LTBP1: variants seen among roughly 807,000 people sequenced by gnomAD.
The protein encoded by LTBP1 is latent transforming growth factor beta binding protein 1.
In LTBP1, 129 loss-of-function variants were observed where a neutral mutation model predicts 207.6. That is an observed-to-expected ratio of 0.62 (90% confidence interval 0.54 to 0.72). The LOEUF (loss-of-function observed/expected upper bound fraction) is 0.72, where lower values mean the gene tolerates loss of function less well. Ranked by LOEUF, LTBP1 falls within the 30% of genes least tolerant of loss-of-function variation. The pLI, the probability that LTBP1 is intolerant of heterozygous loss-of-function variation, is 0.00. For missense variants in LTBP1, 2,281 were observed against 2,217.2 expected, an observed-to-expected ratio of 1.03 and a Z score of -0.58; for synonymous variants, 963 against 833.7, an observed-to-expected ratio of 1.16 and a Z score of -2.67.
intron 19 of LTBP1, among the ~76,000 whole-genome samples, chr2:33,283,427 CTTTTTTTTTTTTTTT>C (rs763384851): frequency 1.3e-4 from 9 of 68,908 alleles, no homozygotes; most frequent in African/African-American, 5.4e-4. Context: ...ACATTAAAGA[CTTTTTTTTTTTTTTT>C]TTTTTTTTTT....
intron 20 of LTBP1, among the ~76,000 whole-genome samples, chr2:33,295,069 T>A (rs1319931034): frequency 1.3e-5 from 2 of 151,978 alleles, no homozygotes; most frequent in Non-Finnish European, 2.9e-5. Flanking sequence ...AAGGCTTAAT[T>A]TTTTTATATG....
At chr2:32,986,982 G>C (rs1318797335) in intron 2 of LTBP1, among the ~76,000 whole-genome samples, 1 of 152,178 alleles carries the variant, frequency 6.6e-6, no homozygotes, top group Non-Finnish European at 1.5e-5. Context: ...GATTGGCTAG[G>C]GTTGTGGCGA....
intron 5 of LTBP1, among the ~76,000 whole-genome samples, 165 bp downstream of exon 5, chr2:33,135,125 A>G (rs77207760): frequency 0.011 from 1,651 of 152,264 alleles, 30 homozygotes; most frequent in African/African-American, 0.037. Context: ...TTTTGGAATA[A>G]TTTTTAACCT....
intron 9 of LTBP1, among the ~76,000 whole-genome samples, chr2:33,225,836 T>C (rs968552526): frequency 2.0e-5 from 3 of 152,228 alleles, no homozygotes; most frequent in Non-Finnish European, 4.4e-5. Flanking sequence ...ATGTGGTGTT[T>C]AACTTTCTGT....
chr2:33,208,941 G>A (rs959309652), intron 7 of LTBP1, among the ~76,000 whole-genome samples: 1 of 147,364 alleles, frequency 6.8e-6, no homozygotes, highest in Non-Finnish European at 1.5e-5. Context: ...GATCTCGGCT[G>A]ACTGCAAGCT....
chr2:33,244,419 A>G (rs2092439367), intron 10 of LTBP1, among the ~76,000 whole-genome samples: 1 of 152,220 alleles, frequency 6.6e-6, no homozygotes, highest in African/African-American at 2.4e-5. Flanking sequence ...TGATAAGGGT[A>G]AAAATCCTTC....
At chr2:33,349,715 A>G (rs568904227) in intron 26 of LTBP1, among the ~76,000 whole-genome samples, 1 of 152,250 alleles carries the variant, frequency 6.6e-6, no homozygotes, top group Non-Finnish European at 1.5e-5. Context: ...TACTGAATCA[A>G]CTTTATCTAA....
intron 32 of LTBP1, among the ~76,000 whole-genome samples, chr2:33,393,244 T>C (rs943844179): frequency 2.7e-5 from 4 of 148,640 alleles, no homozygotes; most frequent in African/African-American, 7.4e-5. Flanking sequence ...CTTTTTTTTT[T>C]TTTTTTTTTT....
At chr2:33,281,459 G>A (rs931332073) in intron 19 of LTBP1, among the ~76,000 whole-genome samples, 1 of 152,204 alleles carries the variant, frequency 6.6e-6, no homozygotes, top group Non-Finnish European at 1.5e-5. Flanking sequence ...AAGATTTGCT[G>A]CAAGATGAGA....
chr2:33,102,289 T>C (rs771815455), intron 3 of LTBP1, among the ~76,000 whole-genome samples: 10 of 152,192 alleles, frequency 6.6e-5, no homozygotes, highest in African/African-American at 9.7e-5. Flanking sequence ...GGTGGGGGGC[T>C]GTTCTGTGCA....
At chr2:33,058,051 A>G (rs574389029) in intron 3 of LTBP1, among the ~76,000 whole-genome samples, 1 of 152,328 alleles carries the variant, frequency 6.6e-6, no homozygotes, top group South Asian at 2.1e-4. Flanking sequence ...GAAACCTAGG[A>G]GTGTTTCTCT....
chr2:33,322,181 G>A (rs1258534376), intron 24 of LTBP1, among the ~76,000 whole-genome samples: 1 of 151,684 alleles, frequency 6.6e-6, no homozygotes, highest in African/African-American at 2.4e-5. Context: ...CCAGAGCTAT[G>A]GAAATCATCT....
At chr2:33,135,876 C>T (rs1261152315) in intron 5 of LTBP1, among the ~76,000 whole-genome samples, 2 of 152,150 alleles carry the variant, frequency 1.3e-5, no homozygotes, top group Non-Finnish European at 2.9e-5. Flanking sequence ...GAGTTACTCA[C>T]AAGAATAACC....
chr2:33,347,291 C>T (rs2094716993), intron 25 of LTBP1, 76 bp from the exon 26 acceptor site: 3 of 1,560,878 alleles, frequency 1.9e-6, no homozygotes. Context: ...CACTATTAGC[C>T]CTGGCACAGC....
At chr2:33,102,770 T>C (rs957497332) in intron 3 of LTBP1, among the ~76,000 whole-genome samples, 1 of 152,252 alleles carries the variant, frequency 6.6e-6, no homozygotes, top group Non-Finnish European at 1.5e-5. Flanking sequence ...ATGCACAGTC[T>C]GTATGCTGAA....
intron 10 of LTBP1, among the ~76,000 whole-genome samples, chr2:33,245,840 CAA>C (rs1386444725): frequency 3.3e-5 from 5 of 152,172 alleles, no homozygotes; most frequent in African/African-American, 1.2e-4. Flanking sequence ...AGTCTGGTTA[CAA>C]TTCTTATATT....
At chr2:33,181,533 C>A (rs911318963) in intron 5 of LTBP1, among the ~76,000 whole-genome samples, 1 of 152,196 alleles carries the variant, frequency 6.6e-6, no homozygotes, top group African/African-American at 2.4e-5. Flanking sequence ...GAGTGACCGT[C>A]ACAAAATTAC....
intron 9 of LTBP1, among the ~76,000 whole-genome samples, chr2:33,226,122 T>C (rs1442619184): frequency 6.6e-6 from 1 of 152,234 alleles, no homozygotes; most frequent in Non-Finnish European, 1.5e-5. Flanking sequence ...TGCAAATACT[T>C]GTGAAATTTT....
intron 20 of LTBP1, among the ~76,000 whole-genome samples, chr2:33,297,950 C>T (rs181110153): frequency 1.4e-4 from 21 of 152,266 alleles, no homozygotes; most frequent in Admixed American, 3.9e-4. Flanking sequence ...CTTTTCCCCA[C>T]TCTGGATCCA....
Sources: allele counts gnomAD v4.1 joint callset (sites outside exome capture counted in the v4.1 genomes callset), GRCh38; gene constraint gnomAD v4.1.1; transcripts MANE v1.5; gene names NCBI Gene and HGNC (gene_info 2026-07-23, HGNC 2026-07-21).